Variants in MPP7 observed in about 807,000 individuals in gnomAD.
MPP7 encodes the protein MAGUK p55 scaffold protein 7.
In MPP7, 60 loss-of-function variants were observed where a neutral mutation model predicts 76.5. That is an observed-to-expected ratio of 0.78 (90% CI 0.64 to 0.97). MPP7 has a LOEUF of 0.97. MPP7 is among the 50% of genes least tolerant of loss of function. MPP7 has a pLI of 0.00. For synonymous variants in MPP7, 237 were observed against 244.5 expected (o/e 0.97, Z 0.29); for missense variants, 641 against 694.0 (o/e 0.92, Z 0.86).
At position 28,194,613 on chromosome 10, in the gene MPP7, G is replaced by T. The variant is rs556342045; in HGVS notation, c.156+7540C>A. ...CCTAAATGCATATTACTAGGTAAAA[G>T]AAGCCAATCTGAAAAGGCTACATAC... On this transcript the variant is annotated intron_variant, in intron 3 of 16. Transcript: ENST00000683449. 1.1e-4 allele frequency among the ~76,000 whole-genome samples: 16 copies of T among 152,284 alleles called. No individual in the cohort carries two copies. The South Asian group carries it at 2.7e-3, about 26-fold the overall frequency.
chr10:28,054,128 T>G lies in MPP7; in HGVS notation c.1668A>C (p.Lys556Asn). 2 of 1,613,612 alleles carry G rather than the reference T, an allele frequency of 1.2e-6. No homozygotes were observed. The highest frequency in any genetic ancestry group is 1.7e-6 in the Non-Finnish European group (2 of 1,179,712). The change falls in exon 17 of 17, where the codon AAA becomes AAC. Residue 556 changes from lysine (K) to asparagine (N), a missense_variant. Physicochemically the swap from Lys to Asn is moderately conservative, Grantham distance 94 (BLOSUM62 0). Transcript: ENST00000683449. ...DDLTVAFNEL[K>N]TTFDKLETET... ...CTGTCTCTAATTTGTCAAAAGTTGT[T>G]TTGAGCTCATTGAATGCCACAGTGA... is the stretch of plus-strand genomic sequence containing the variant.
At chr10:28,213,752 A>G (rs959788367) in intron 2 of MPP7, among the ~76,000 whole-genome samples, 5 of 147,486 alleles carry the variant, frequency 3.4e-5, no homozygotes, top group African/African-American at 1.3e-4. Flanking sequence ...AGATCATGCC[A>G]TTGCACTCCA....
intron 1 of MPP7, among the ~76,000 whole-genome samples, chr10:28,283,546 A>T (rs1214472542): frequency 6.6e-6 from 1 of 151,756 alleles, no homozygotes; most frequent in Non-Finnish European, 1.5e-5. Context: ...ACAGAGTCTC[A>T]CTCTTCCACT....
At chr10:28,260,118 A>G (rs1321111807) in intron 1 of MPP7, among the ~76,000 whole-genome samples, 1 of 152,218 alleles carries the variant, frequency 6.6e-6, no homozygotes, top group Admixed American at 6.5e-5. Context: ...AGAAAACACT[A>G]TATTAGCAGC....
chr10:28,115,636 T>C (rs888581270), intron 11 of MPP7, among the ~76,000 whole-genome samples: 2 of 152,244 alleles, frequency 1.3e-5, no homozygotes, highest in African/African-American at 2.4e-5. Flanking sequence ...TGTAGCATCC[T>C]GTGATATATT....
intron 1 of MPP7, among the ~76,000 whole-genome samples, chr10:28,241,065 T>A (rs1839252131): frequency 6.6e-6 from 1 of 152,154 alleles, no homozygotes; most frequent in Admixed American, 6.5e-5. Context: ...AACCTATCAC[T>A]TTCTTCACAG....
intron 12 of MPP7, among the ~76,000 whole-genome samples, chr10:28,084,573 G>C (rs1852914527): frequency 6.6e-6 from 1 of 152,188 alleles, no homozygotes; most frequent in African/African-American, 2.4e-5. Flanking sequence ...CCCTGGAATA[G>C]GGTCTGGAGG....
chr10:28,286,087 G>A (rs545061362), intron 1 of MPP7, among the ~76,000 whole-genome samples: 16 of 152,282 alleles, frequency 1.1e-4, no homozygotes, highest in African/African-American at 3.9e-4. Flanking sequence ...GCTCATGCCT[G>A]TAATCCCAGT....
intron 1 of MPP7, among the ~76,000 whole-genome samples, chr10:28,302,298 T>C (rs1233394156): frequency 2.6e-5 from 4 of 152,044 alleles, no homozygotes; most frequent in South Asian, 4.2e-4. Flanking sequence ...AGCCCCCAAA[T>C]AGATTCACGC....
In MPP7 at chr10:28,230,803, G is replaced by A. The variant is rs186946926; in HGVS notation, c.37+7765C>T. ...TGCATTCCAGCCTGGGAGACAGAGC[G>A]AGAATCCATCTCAAATAAATAAATA... On this transcript the variant is annotated intron_variant, in intron 2 of 16. Coordinates refer to ENST00000683449, the MANE Select transcript of MPP7 (RefSeq NM_001318170.2). Among the ~76,000 whole-genome samples, 22 of 152,214 alleles carry A rather than the reference G, an allele frequency of 1.4e-4. No homozygotes were observed. The South Asian group carries it at 2.1e-3, about 14-fold the overall frequency.
At chr10:28,308,434 A>C (rs1490267696) in intron 2 of MPP7, among the ~76,000 whole-genome samples, 1 of 152,224 alleles carries the variant, frequency 6.6e-6, no homozygotes, top group Non-Finnish European at 1.5e-5. Flanking sequence ...AAGGTCTCAA[A>C]GAAGCAGGAG....
At chr10:28,311,485 C>T (rs527752328) in intron 2 of MPP7, among the ~76,000 whole-genome samples, 20 of 152,272 alleles carry the variant, frequency 1.3e-4, no homozygotes, top group Non-Finnish European at 2.5e-4. Flanking sequence ...CTGATAATTA[C>T]GTAAATGCTG....
Position 28,051,092 on chromosome 10 carries a change from A to G in MPP7, c.*2973T>C, listed in dbSNP as rs1851343927. 6.6e-6 allele frequency: 1 copy of G among 152,228 alleles called. No individual in the cohort carries two copies. The highest frequency in any genetic ancestry group is 1.5e-5 in the Non-Finnish European group (1 of 68,036). 9.4% of individuals were successfully genotyped at this position (152,228 alleles called of 1,614,324 possible). On this transcript the variant is annotated 3_prime_UTR_variant, in exon 17 of 17. Transcript: ENST00000683449. The stretch of plus-strand genomic sequence containing the variant: ...AATATAATTTGTTCTACCATGGGAA[A>G]TAGTATAATGGAATAGATCACAATA...
intron 6 of MPP7, among the ~76,000 whole-genome samples, chr10:28,127,841 T>C (rs1835068328): frequency 6.6e-6 from 1 of 152,010 alleles, no homozygotes; most frequent in South Asian, 2.1e-4. Flanking sequence ...AAAGACAATG[T>C]GAAGACACAG....
chr10:28,174,315 G>A (rs980344600), intron 3 of MPP7, among the ~76,000 whole-genome samples: 2 of 152,162 alleles, frequency 1.3e-5, no homozygotes, highest in Admixed American at 6.5e-5. Context: ...AGGTGTGTGG[G>A]TCATGCGGAC....
intron 3 of MPP7, among the ~76,000 whole-genome samples, chr10:28,196,947 C>CA (rs1484078672): frequency 1.3e-5 from 2 of 152,110 alleles, no homozygotes; most frequent in Non-Finnish European, 2.9e-5. Flanking sequence ...GAAGAAAGCC[C>CA]ATTTACCTTC....
At chr10:28,098,302 C>A (rs922319755) in intron 11 of MPP7, among the ~76,000 whole-genome samples, 1 of 151,422 alleles carries the variant, frequency 6.6e-6, no homozygotes. Context: ...AAATGCATTT[C>A]ATACAATAAA....
chr10:28,217,061 G>A (rs16928601), intron 2 of MPP7, among the ~76,000 whole-genome samples: 2,984 of 152,104 alleles, frequency 0.02, 114 homozygotes, highest in African/African-American at 0.068. Context: ...GAAAAAAAAT[G>A]TAGAGAACTC....
At chr10:28,073,424 C>T (rs1852329069) in intron 12 of MPP7, among the ~76,000 whole-genome samples, 1 of 152,154 alleles carries the variant, frequency 6.6e-6, no homozygotes, top group South Asian at 2.1e-4. Flanking sequence ...TGCAACCATG[C>T]TTGACATTCT....
Sources: gnomAD v4.1 joint callset for allele counts (sites outside exome capture counted in the v4.1 genomes callset) on GRCh38, gnomAD v4.1.1 for gene constraint, MANE v1.5 for transcripts, NCBI Gene and HGNC (gene_info 2026-07-23, HGNC 2026-07-21) for gene names.